AGBL1: variants seen among roughly 807,000 people sequenced by gnomAD.
The protein encoded by AGBL1 is cytosolic carboxypeptidase 4.
A neutral mutation model predicts 118.9 loss-of-function variants in AGBL1; 130 were observed. The observed-to-expected ratio is 1.09, with a 90% confidence interval of 0.95 to 1.26. AGBL1 has a LOEUF of 1.26. Among genes scored for constraint, AGBL1 ranks in the 50% most tolerant of loss-of-function variants. The pLI is 0.00. For synonymous variants in AGBL1, 555 were observed against 478.9 expected, an observed-to-expected ratio of 1.16 and a Z score of -2.08; for missense variants, 1,584 against 1,298.1, an observed-to-expected ratio of 1.22 and a Z score of -3.38.
intron 18 of AGBL1, among the ~76,000 whole-genome samples, chr15:86,464,346 C>T (rs28819451): frequency 0.074 from 11,204 of 152,146 alleles, 1,054 homozygotes; most frequent in African/African-American, 0.22. Context: ...GGGGCTAAGA[C>T]GATGGGGTTT....
intron 24 of AGBL1, among the ~76,000 whole-genome samples, chr15:87,009,870 G>T (rs2081540702): frequency 6.6e-6 from 1 of 152,214 alleles, no homozygotes. Flanking sequence ...ATTTGAAATG[G>T]CCGTATTTAC....
At chr15:86,818,599 C>T (rs1315699375) in intron 22 of AGBL1, among the ~76,000 whole-genome samples, 1 of 152,118 alleles carries the variant, frequency 6.6e-6, no homozygotes, top group Non-Finnish European at 1.5e-5. Context: ...CTCTAGAGAA[C>T]TAATATGGGA....
At chr15:87,003,056 A>G (rs960261345) in intron 24 of AGBL1, among the ~76,000 whole-genome samples, 5 of 152,284 alleles carry the variant, frequency 3.3e-5, no homozygotes, top group Middle Eastern at 3.4e-3. Flanking sequence ...GTCTTGTGCC[A>G]GTTTTCAAAG....
chr15:86,502,127 GT>G (rs1313431216), intron 18 of AGBL1, among the ~76,000 whole-genome samples: 3 of 151,460 alleles, frequency 2.0e-5, no homozygotes, highest in Non-Finnish European at 3.0e-5. Flanking sequence ...ATAATGTTTT[GT>G]CTTTTGTGGT....
intron 21 of AGBL1, among the ~76,000 whole-genome samples, chr15:86,583,733 A>T (rs1256450112): frequency 6.6e-6 from 1 of 152,180 alleles, no homozygotes; most frequent in Admixed American, 6.5e-5. Flanking sequence ...GTCACACAGT[A>T]GTTCTGTTCT....
chr15:86,917,629 C>A (rs2080440247), downstream of AGBL1, among the ~76,000 whole-genome samples: 1 of 152,124 alleles, frequency 6.6e-6, no homozygotes, highest in Non-Finnish European at 1.5e-5. This position sits in a 1 kb window ranked among gnomAD's most constrained non-coding sequence, Gnocchi z 4.8. Flanking sequence ...CGTAGAGATT[C>A]AAAGCAGTTG....
intron 22 of AGBL1, among the ~76,000 whole-genome samples, chr15:86,713,627 A>G (rs545540096): frequency 2.6e-5 from 4 of 152,266 alleles, no homozygotes; most frequent in Non-Finnish European, 5.9e-5. Flanking sequence ...CTAATAGAAG[A>G]CAGAACTGTG....
intron 18 of AGBL1, among the ~76,000 whole-genome samples, chr15:86,460,318 CAAAAAA>C (rs1168019827): frequency 3.6e-4 from 13 of 36,604 alleles, no homozygotes; most frequent in Admixed American, 5.3e-4. Flanking sequence ...CCTATCTCTA[CAAAAAA>C]AAAAAAAAAA....
intron 5 of AGBL1, among the ~76,000 whole-genome samples, chr15:86,223,915 T>G (rs1328042610): frequency 6.6e-6 from 1 of 152,132 alleles, no homozygotes; most frequent in Non-Finnish European, 1.5e-5. Flanking sequence ...GAGGCCAGGG[T>G]AGGGCCACTG....
At chr15:87,014,432 T>G (rs1405149510) in intron 24 of AGBL1, among the ~76,000 whole-genome samples, 1 of 152,218 alleles carries the variant, frequency 6.6e-6, no homozygotes, top group Non-Finnish European at 1.5e-5. Flanking sequence ...AAGACACAAG[T>G]GAGAGTGACT....
At chr15:86,342,609 A>G (rs539979432) in intron 17 of AGBL1, among the ~76,000 whole-genome samples, 23 of 152,234 alleles carry the variant, frequency 1.5e-4, no homozygotes, top group African/African-American at 5.3e-4. Context: ...ACAGAGGGAC[A>G]GGATGATGAA....
At chr15:86,905,785 G>A (rs2080273301) in intron 22 of AGBL1, among the ~76,000 whole-genome samples, 1 of 152,174 alleles carries the variant, frequency 6.6e-6, no homozygotes, top group Non-Finnish European at 1.5e-5. Flanking sequence ...GGCTCCCAGG[G>A]TTCTCAATGA....
chr15:86,356,828 G>A (rs747527735), intron 17 of AGBL1, among the ~76,000 whole-genome samples: 42 of 152,174 alleles, frequency 2.8e-4, no homozygotes, highest in South Asian at 2.1e-4. Flanking sequence ...GAAGCAAGGC[G>A]ATGCAGATTC....
chr15:86,576,494 G>A (rs368027914), intron 21 of AGBL1, among the ~76,000 whole-genome samples: 1 of 152,312 alleles, frequency 6.6e-6, no homozygotes, highest in East Asian at 1.9e-4. Context: ...TGAACAGTTG[G>A]CTGCCTTTGA....
intron 1 of AGBL1, among the ~76,000 whole-genome samples, chr15:86,108,466 T>C (rs187966157): frequency 1.2e-4 from 19 of 152,282 alleles, no homozygotes; most frequent in African/African-American, 4.1e-4. Context: ...ATATAGGAGA[T>C]TAGAGTGCAC....
intron 17 of AGBL1, among the ~76,000 whole-genome samples, chr15:86,361,632 T>G (rs1233087226): frequency 6.6e-6 from 1 of 152,122 alleles, no homozygotes; most frequent in Non-Finnish European, 1.5e-5. Flanking sequence ...TTCTTTGATG[T>G]TGGGGGCATA....
At chr15:86,923,867 A>T (rs1404477380) in intron 23 of AGBL1, among the ~76,000 whole-genome samples, 2 of 152,232 alleles carry the variant, frequency 1.3e-5, no homozygotes, top group Admixed American at 1.3e-4. Context: ...CTAATAAGTG[A>T]CAGAATCAAG....
intron 22 of AGBL1, among the ~76,000 whole-genome samples, chr15:86,759,109 A>T (rs1345415403): frequency 6.6e-6 from 1 of 151,994 alleles, no homozygotes; most frequent in Non-Finnish European, 1.5e-5. Context: ...ATCTCTTCGT[A>T]TTCCCATCAG....
intron 22 of AGBL1, among the ~76,000 whole-genome samples, chr15:86,854,408 G>A (rs981482663): frequency 3.3e-5 from 5 of 152,140 alleles, no homozygotes; most frequent in African/African-American, 1.2e-4. Context: ...GAGGTGAACT[G>A]TGGTATTTCT....
Sources: allele counts gnomAD v4.1 joint callset (sites outside exome capture counted in the v4.1 genomes callset), GRCh38; gene constraint gnomAD v4.1.1; non-coding constraint Gnocchi (gnomAD v3.1); transcripts MANE v1.5; gene names NCBI Gene and HGNC (gene_info 2026-07-23, HGNC 2026-07-21).